Variants in CWF19L2 observed in about 807,000 individuals in gnomAD.
The protein encoded by CWF19L2 is CWF19-like protein 2.
CWF19L2 carries 98 observed loss-of-function variants against 111.7 expected under a neutral mutation model. That is an observed-to-expected ratio of 0.88 (90% CI 0.75 to 1.04). The LOEUF (loss-of-function observed/expected upper bound fraction) is 1.04, where lower values mean the gene tolerates loss of function less well. Ranked by LOEUF, CWF19L2 falls within the 50% of genes least tolerant of loss-of-function variation. CWF19L2 has a pLI of 0.00. For synonymous variants in CWF19L2, 351 were observed against 342.9 expected (o/e 1.02, Z -0.26); for missense variants, 1,101 against 1,051.4 (o/e 1.05, Z -0.65).
At chr11:107,358,250 T>A (rs961133852) in intron 12 of CWF19L2, among the ~76,000 whole-genome samples, 2 of 151,996 alleles carry the variant, frequency 1.3e-5, no homozygotes, top group Non-Finnish European at 2.9e-5. Flanking sequence ...ACCACAGGGG[T>A]GCCCAATCTT....
At chr11:107,353,211 T>C (rs1860182853) in intron 13 of CWF19L2, among the ~76,000 whole-genome samples, 4 of 152,226 alleles carry the variant, frequency 2.6e-5, no homozygotes, top group Admixed American at 2.6e-4. Context: ...AGTCTGAGTC[T>C]CAACTTTTCC....
chr11:107,442,908 G>A (rs1226818412), intron 4 of CWF19L2, 31 bp downstream of exon 4: 2 of 1,363,168 alleles, frequency 1.5e-6, no homozygotes, highest in East Asian at 2.5e-5. Context: ...AAGGAAGAAA[G>A]CAAGGAAGGA....
intron 3 of CWF19L2, among the ~76,000 whole-genome samples, chr11:107,450,906 T>C (rs1005175692): frequency 4.6e-5 from 7 of 152,046 alleles, no homozygotes; most frequent in African/African-American, 1.7e-4. Context: ...CACAAAACAA[T>C]TAAGAGATTT....
intron 12 of CWF19L2, among the ~76,000 whole-genome samples, chr11:107,361,821 C>T (rs969082460): frequency 6.6e-6 from 1 of 152,160 alleles, no homozygotes; most frequent in Non-Finnish European, 1.5e-5. Context: ...GGGGGAGGAG[C>T]CAAGATGGCC....
intron 1 of CWF19L2, among the ~76,000 whole-genome samples, chr11:107,456,600 T>C (rs140953197): frequency 7.9e-4 from 120 of 152,032 alleles, no homozygotes; most frequent in African/African-American, 2.8e-3. Context: ...ATAAAAATAA[T>C]TTATTAAAGG....
chr11:107,428,190 T>C (rs932520437), intron 8 of CWF19L2, among the ~76,000 whole-genome samples: 1 of 152,138 alleles, frequency 6.6e-6, no homozygotes, highest in Non-Finnish European at 1.5e-5. Context: ...GGTTTCCTCA[T>C]CTTCTAACCC....
chr11:107,359,496 A>G (rs1343953767), intron 12 of CWF19L2, among the ~76,000 whole-genome samples: 1 of 152,208 alleles, frequency 6.6e-6, no homozygotes, highest in Non-Finnish European at 1.5e-5. Flanking sequence ...TAGGATCCAC[A>G]GGTCTGGGAA....
At chr11:107,346,226 G>A (rs931372324) in intron 14 of CWF19L2, among the ~76,000 whole-genome samples, 7 of 152,082 alleles carry the variant, frequency 4.6e-5, no homozygotes, top group African/African-American at 1.4e-4. Context: ...TGATGTAGTC[G>A]TTTTTAAAAT....
chr11:107,339,374 A>T (rs1273491962), intron 14 of CWF19L2, among the ~76,000 whole-genome samples: 4 of 152,148 alleles, frequency 2.6e-5, no homozygotes, highest in Non-Finnish European at 5.9e-5. Context: ...GAGTCCTATG[A>T]TAGTTGCATA....
At chr11:107,333,446 TA>T (rs1266185287) in intron 16 of CWF19L2, among the ~76,000 whole-genome samples, 1 of 152,202 alleles carries the variant, frequency 6.6e-6, no homozygotes, top group Non-Finnish European at 1.5e-5. Flanking sequence ...TCCTTTGAAA[TA>T]TTTTCAACTG....
chr11:107,329,835 G>A (rs1394094066), intron 17 of CWF19L2, 83 bp downstream of exon 17: 21 of 1,040,826 alleles, frequency 2.0e-5, no homozygotes, highest in Non-Finnish European at 2.9e-5. Flanking sequence ...TTTGTATACT[G>A]TGCCCAAAGT....
At chr11:107,417,562 G>A (rs912143814) in intron 9 of CWF19L2, among the ~76,000 whole-genome samples, 5 of 152,132 alleles carry the variant, frequency 3.3e-5, no homozygotes, top group African/African-American at 9.7e-5. Flanking sequence ...TGACAAAAAT[G>A]AGGTAGAAAA....
chr11:107,390,778 T>C (rs945158806), intron 11 of CWF19L2, among the ~76,000 whole-genome samples: 6 of 152,106 alleles, frequency 3.9e-5, no homozygotes, highest in Non-Finnish European at 8.8e-5. Flanking sequence ...AGTGTCAACT[T>C]GATTGGACTG....
chr11:107,374,304 A>G (rs1286938354), intron 12 of CWF19L2, among the ~76,000 whole-genome samples: 4 of 130,408 alleles, frequency 3.1e-5, no homozygotes, highest in Admixed American at 3.0e-4. Context: ...GAGCAACACC[A>G]AGACACATAA....
At chr11:107,436,528 T>C (rs1417511166) in intron 6 of CWF19L2, among the ~76,000 whole-genome samples, 1 of 152,178 alleles carries the variant, frequency 6.6e-6, no homozygotes, top group African/African-American at 2.4e-5. Flanking sequence ...ATATGTAAAA[T>C]CTTATGTATG....
At position 107,336,730 on chromosome 11, in the gene CWF19L2, ACT is replaced by A; in HGVS notation, c.2203-19_2203-18del. 1 of 1,342,294 alleles carries A rather than the reference ACT, an allele frequency of 7.4e-7. No individual in the cohort carries two copies. The highest frequency in any genetic ancestry group is 1.0e-6 in the Non-Finnish European group (1 of 990,290). 83.1% of individuals were successfully genotyped at this position (1,342,294 alleles called of 1,614,324 possible). Reference sequence around the variant, plus strand: ...TCTGAACATCTAAAAAAAAAAAAGAACTAGGTAAAGAAAACACTTAAAGGAGA... The same window carrying A: ...TCTGAACATCTAAAAAAAAAAAAGAAAGGTAAAGAAAACACTTAAAGGAGA... On this transcript the variant is annotated intron_variant, in intron 14 of 17. Coordinates refer to ENST00000282251, the MANE Select transcript of CWF19L2 (RefSeq NM_152434.3).
intron 12 of CWF19L2, among the ~76,000 whole-genome samples, chr11:107,386,100 T>C (rs891141600): frequency 2.0e-4 from 30 of 152,248 alleles, no homozygotes; most frequent in Non-Finnish European, 4.3e-4. Flanking sequence ...GTTTCAGACA[T>C]CCACCTAAAC....
chr11:107,444,913 C>T (rs1429501614), intron 3 of CWF19L2, among the ~76,000 whole-genome samples: 1 of 152,138 alleles, frequency 6.6e-6, no homozygotes, highest in Non-Finnish European at 1.5e-5. Flanking sequence ...CTATCCCTGG[C>T]CACTACTGAT....
chr11:107,435,393 C>A (rs1053501021), intron 6 of CWF19L2, among the ~76,000 whole-genome samples: 5 of 152,036 alleles, frequency 3.3e-5, no homozygotes, highest in Non-Finnish European at 7.4e-5. Flanking sequence ...ATATGAATGT[C>A]TCAGCTACAA....
Sources: gnomAD v4.1 joint callset for allele counts (sites outside exome capture counted in the v4.1 genomes callset) on GRCh38, gnomAD v4.1.1 for gene constraint, MANE v1.5 for transcripts, NCBI Gene and HGNC (gene_info 2026-07-23, HGNC 2026-07-21) for gene names.